The following GNAQ variants were observed in gnomAD, a reference collection of about 807,000 sequenced individuals.
The protein encoded by GNAQ is G protein subunit alpha q, also known as guanine nucleotide-binding protein G(q) subunit alpha.
In GNAQ, 8 loss-of-function variants were observed where a neutral mutation model predicts 43.9. That is an observed-to-expected ratio of 0.18 (90% CI 0.11 to 0.33). The LOEUF is 0.33. Ranked by LOEUF, GNAQ falls within the 10% of genes least tolerant of loss-of-function variation. The pLI is 1.00. For synonymous variants in GNAQ, 155 were observed against 170.7 expected (o/e 0.91, Z 0.71); for missense variants, 158 against 450.8 (o/e 0.35, Z 5.88).
At chr9:77,954,114 A>G (rs1250344052) in intron 1 of GNAQ, among the ~76,000 whole-genome samples, 2 of 152,190 alleles carry the variant, frequency 1.3e-5, no homozygotes, top group Non-Finnish European at 2.9e-5. Context: ...GTGATCCTGA[A>G]AAGTCCAATT....
rs988723892 is a variant in GNAQ at position 77,741,185 on chromosome 9, C to A, written c.736-12518G>T. 3.3e-5 allele frequency among the ~76,000 whole-genome samples: 5 copies of A among 152,078 alleles called. No homozygotes were observed. The East Asian group carries it at 9.6e-4, about 29-fold the overall frequency. On this transcript the variant is annotated intron_variant, in intron 5 of 6. Transcript: ENST00000286548. ...GAGTTTACTGACTCTTGGTGTAAAACAGCATTGAATACTCATATGGCATGA... is the reference window on the plus strand; with the variant it reads ...GAGTTTACTGACTCTTGGTGTAAAAAAGCATTGAATACTCATATGGCATGA...
At chr9:77,759,450 T>C (rs1825954515) in intron 5 of GNAQ, among the ~76,000 whole-genome samples, 1 of 152,142 alleles carries the variant, frequency 6.6e-6, no homozygotes, top group Non-Finnish European at 1.5e-5. Context: ...GATAATCCTT[T>C]GCCAAGCAGA....
intron 2 of GNAQ, among the ~76,000 whole-genome samples, chr9:77,856,502 T>C (rs116434758): frequency 0.024 from 3,699 of 152,280 alleles, 125 homozygotes; most frequent in African/African-American, 0.077. Flanking sequence ...AAGTGAATAA[T>C]ATCAGTATTT....
intron 1 of GNAQ, among the ~76,000 whole-genome samples, chr9:78,016,977 T>A (rs1823847258): frequency 6.6e-6 from 1 of 152,188 alleles, no homozygotes; most frequent in South Asian, 2.1e-4. Context: ...TGTTATGTTA[T>A]GTTATGGACC....
intron 1 of GNAQ, among the ~76,000 whole-genome samples, chr9:77,998,923 C>G (rs987913723): frequency 6.6e-6 from 1 of 151,450 alleles, no homozygotes; most frequent in Non-Finnish European, 1.5e-5. Context: ...CCCGTCTCTA[C>G]TAAAACTACA....
chr9:77,869,357 A>G (rs1052595849), intron 2 of GNAQ, among the ~76,000 whole-genome samples: 1 of 152,332 alleles, frequency 6.6e-6, no homozygotes, highest in South Asian at 2.1e-4. Context: ...TAAGGAGAAA[A>G]TATCAGAAGA....
intron 2 of GNAQ, among the ~76,000 whole-genome samples, chr9:77,914,399 C>A (rs1395403883): frequency 6.6e-6 from 1 of 152,202 alleles, no homozygotes; most frequent in Non-Finnish European, 1.5e-5. Context: ...TGGCTCATGC[C>A]TGTAATCCCA....
chr9:77,915,036 T>C (rs1259965271), intron 2 of GNAQ, among the ~76,000 whole-genome samples: 1 of 152,168 alleles, frequency 6.6e-6, no homozygotes, highest in Non-Finnish European at 1.5e-5. Context: ...AAAATAATTT[T>C]AATAACAGCA....
At chr9:77,974,888 A>G (rs1823279321) in intron 1 of GNAQ, among the ~76,000 whole-genome samples, 1 of 152,272 alleles carries the variant, frequency 6.6e-6, no homozygotes, top group South Asian at 2.1e-4. Context: ...ACTTTGTTGC[A>G]TAGCTTGAAA....
At chr9:77,871,238 T>G (rs1405750077) in intron 2 of GNAQ, among the ~76,000 whole-genome samples, 1 of 152,210 alleles carries the variant, frequency 6.6e-6, no homozygotes, top group Non-Finnish European at 1.5e-5. Context: ...TAAGATGTAG[T>G]CTATAGGACT....
intron 2 of GNAQ, among the ~76,000 whole-genome samples, chr9:77,838,101 C>T (rs1373998284): frequency 8.2e-5 from 12 of 145,632 alleles, no homozygotes; most frequent in Admixed American, 4.8e-4. Flanking sequence ...CCACCAACCT[C>T]GGCCTTGCAA....
intron 1 of GNAQ, among the ~76,000 whole-genome samples, chr9:77,972,176 A>G (rs1823244714): frequency 1.3e-5 from 2 of 152,184 alleles, no homozygotes; most frequent in Non-Finnish European, 2.9e-5. Flanking sequence ...AAAATACTAG[A>G]AACAAAATCA....
chr9:77,882,535 T>C (rs1481526892), intron 2 of GNAQ, among the ~76,000 whole-genome samples: 1 of 152,176 alleles, frequency 6.6e-6, no homozygotes, highest in Non-Finnish European at 1.5e-5. Context: ...TCCAACAACC[T>C]GGGTTGATTA....
chr9:77,723,434 T>C (rs1487455980), intron 6 of GNAQ, among the ~76,000 whole-genome samples: 5 of 152,222 alleles, frequency 3.3e-5, no homozygotes, highest in African/African-American at 1.2e-4. Context: ...TGATAGACAC[T>C]TGATCTTAGT....
intron 1 of GNAQ, among the ~76,000 whole-genome samples, chr9:77,940,757 G>A (rs557984923): frequency 2.0e-5 from 3 of 152,068 alleles, no homozygotes; most frequent in African/African-American, 2.4e-5. Context: ...CACGAGGTCA[G>A]GAGATCGAGA....
At chr9:78,008,639 G>A (rs2118573945) in intron 1 of GNAQ, among the ~76,000 whole-genome samples, 1 of 144,980 alleles carries the variant, frequency 6.9e-6, no homozygotes, top group South Asian at 2.2e-4. Flanking sequence ...TATTTTTTGA[G>A]ACGGAGTCTC....
chr9:77,951,253 A>T (rs190631535), intron 1 of GNAQ, among the ~76,000 whole-genome samples: 1 of 151,822 alleles, frequency 6.6e-6, no homozygotes, highest in Non-Finnish European at 1.5e-5. Flanking sequence ...TCACGCCACC[A>T]TGCCCGGCTA....
At chr9:77,814,848 A>C (rs892128993) in intron 3 of GNAQ, among the ~76,000 whole-genome samples, 3 of 152,226 alleles carry the variant, frequency 2.0e-5, no homozygotes, top group Non-Finnish European at 2.9e-5. Flanking sequence ...AACCTGGCTA[A>C]ATACCACCAA....
At chr9:77,761,190 G>GC (rs1826007400) in intron 5 of GNAQ, among the ~76,000 whole-genome samples, 1 of 146,170 alleles carries the variant, frequency 6.8e-6, no homozygotes, top group Non-Finnish European at 1.5e-5. Flanking sequence ...CGCCCGGCCA[G>GC]TGAGGGGCGC....
Sources: gnomAD v4.1 joint callset for allele counts (sites outside exome capture counted in the v4.1 genomes callset) on GRCh38, gnomAD v4.1.1 for gene constraint, MANE v1.5 for transcripts, NCBI Gene and HGNC (gene_info 2026-07-23, HGNC 2026-07-21) for gene names.